Variants in CHCHD3 observed in about 807,000 individuals in gnomAD.
CHCHD3 encodes MICOS complex subunit MIC19.
A neutral mutation model predicts 38.2 loss-of-function variants in CHCHD3; 20 were observed. The ratio of observed to expected loss-of-function variants is 0.52; its 90% CI spans 0.37 to 0.76. The LOEUF (loss-of-function observed/expected upper bound fraction) is 0.76, where lower values mean the gene tolerates loss of function less well. Among genes scored for constraint, CHCHD3 ranks in the 30% least tolerant of loss-of-function variants. The pLI is 0.00. For missense variants in CHCHD3, 245 were observed against 279.2 expected (o/e 0.88, Z 0.87); for synonymous variants, 82 against 100.0 (o/e 0.82, Z 1.07).
intron 4 of CHCHD3, among the ~76,000 whole-genome samples, chr7:132,887,633 A>T (rs1026491927): frequency 7.2e-5 from 5 of 69,818 alleles, no homozygotes; most frequent in African/African-American, 2.8e-4. Flanking sequence ...AAAAACAACA[A>T]AAGAAATATA....
chr7:132,867,177 C>T (rs1282274928), intron 5 of CHCHD3, among the ~76,000 whole-genome samples: 1 of 152,082 alleles, frequency 6.6e-6, no homozygotes, highest in Non-Finnish European at 1.5e-5. Context: ...CTGCTATATC[C>T]CCAGAACCTA....
chr7:133,066,397 G>A (rs1464151484), intron 2 of CHCHD3, among the ~76,000 whole-genome samples: 1 of 152,110 alleles, frequency 6.6e-6, no homozygotes, highest in Non-Finnish European at 1.5e-5. Flanking sequence ...TGGGATTACA[G>A]GCATGTGCCA....
intron 2 of CHCHD3, among the ~76,000 whole-genome samples, chr7:133,026,300 A>G (rs1167229905): frequency 6.6e-6 from 1 of 152,162 alleles, no homozygotes; most frequent in Non-Finnish European, 1.5e-5. Context: ...AGCATTAGTC[A>G]TTAGGAAAAT....
chr7:132,907,201 T>G (rs1809822365), intron 4 of CHCHD3, among the ~76,000 whole-genome samples: 1 of 152,204 alleles, frequency 6.6e-6, no homozygotes, highest in African/African-American at 2.4e-5. Flanking sequence ...AATAAATAAC[T>G]TGTCTATTGC....
intron 3 of CHCHD3, among the ~76,000 whole-genome samples, chr7:132,980,641 T>C (rs12673741): frequency 0.067 from 10,269 of 152,202 alleles, 824 homozygotes; most frequent in East Asian, 0.21. Flanking sequence ...GCAACTTAGC[T>C]CTTTCCTCAG....
intron 2 of CHCHD3, among the ~76,000 whole-genome samples, chr7:133,040,381 C>G (rs1457070065): frequency 6.6e-6 from 1 of 152,098 alleles, no homozygotes; most frequent in African/African-American, 2.4e-5. Flanking sequence ...CTTTCTCTTC[C>G]CGCATGCAGT....
intron 4 of CHCHD3, among the ~76,000 whole-genome samples, chr7:132,961,565 A>C (rs1392223031): frequency 6.6e-6 from 1 of 152,220 alleles, no homozygotes; most frequent in Non-Finnish European, 1.5e-5. Context: ...AAGTTAATTA[A>C]CACATCTATC....
chr7:132,810,062 A>G (rs1275471501), intron 6 of CHCHD3, among the ~76,000 whole-genome samples: 4 of 152,190 alleles, frequency 2.6e-5, no homozygotes, highest in African/African-American at 9.6e-5. Context: ...GGTAACTGGT[A>G]AGGAAAAGAA....
intron 2 of CHCHD3, among the ~76,000 whole-genome samples, chr7:133,027,578 A>G (rs1813382454): frequency 6.6e-6 from 1 of 152,166 alleles, no homozygotes; most frequent in African/African-American, 2.4e-5. Context: ...TGGGAAAGGT[A>G]TTAACCTCTC....
chr7:132,974,161 T>A, intron 4 of CHCHD3: 1 of 498,480 alleles, frequency 2.0e-6, no homozygotes, highest in Non-Finnish European at 3.1e-6. Flanking sequence ...TAACACCATC[T>A]ATAGCATTAT....
chr7:133,035,447 T>C lies in CHCHD3; in HGVS notation c.170-10820A>G, dbSNP rs757675854. On this transcript the variant is annotated intron_variant, in intron 2 of 7. Transcript: ENST00000262570. This position sits in a 1 kb window ranked among gnomAD's most constrained non-coding sequence, Gnocchi z 4.7. ...TGCAGACAACTGTGATGTCAGCCAATGTCACTCGTTCGCCCACCAGAAAAG... is the reference window on the plus strand; with the variant it reads ...TGCAGACAACTGTGATGTCAGCCAACGTCACTCGTTCGCCCACCAGAAAAG... 30 of 1,613,392 alleles carry C rather than the reference T, an allele frequency of 1.9e-5. No individual in the cohort carries two copies. Among genetic ancestry groups the C allele is most frequent in the Non-Finnish European group, 2.5e-5 (30 of 1,179,504 alleles).
chr7:132,817,699 A>G (rs1356229549), intron 6 of CHCHD3, among the ~76,000 whole-genome samples: 1 of 152,098 alleles, frequency 6.6e-6, no homozygotes, highest in African/African-American at 2.4e-5. Flanking sequence ...GTTCTCTCTT[A>G]AAGAACCAGC....
chr7:132,973,670 G>C, intron 4 of CHCHD3: 1 of 1,025,090 alleles, frequency 9.8e-7, no homozygotes, highest in Admixed American at 5.2e-5. Context: ...ATTTGTCACT[G>C]AAGAAACTGA....
intron 2 of CHCHD3, among the ~76,000 whole-genome samples, chr7:133,043,028 A>G (rs1365310649): frequency 6.6e-6 from 1 of 151,856 alleles, no homozygotes; most frequent in Non-Finnish European, 1.5e-5. Flanking sequence ...CACCACACCC[A>G]GCTAATTTTT....
chr7:132,882,461 CTATATATATA>C (rs71178065), intron 5 of CHCHD3, among the ~76,000 whole-genome samples: 25,262 of 133,956 alleles, frequency 0.19, 2,644 homozygotes, highest in East Asian at 0.28. Flanking sequence ...ACAATATATT[CTATATATATA>C]TATATATATA....
intron 5 of CHCHD3, among the ~76,000 whole-genome samples, chr7:132,866,247 T>C (rs576385237): frequency 6.6e-6 from 1 of 152,304 alleles, no homozygotes; most frequent in Admixed American, 6.5e-5. Context: ...AAGTCTGTGT[T>C]GTGTGGCTTA....
chr7:132,795,024 A>G (rs1806571421), intron 7 of CHCHD3, among the ~76,000 whole-genome samples: 1 of 152,248 alleles, frequency 6.6e-6, no homozygotes, highest in South Asian at 2.1e-4. Flanking sequence ...TAGATAATTC[A>G]ACACAACCCA....
intron 4 of CHCHD3, chr7:132,973,935 CGAGGAGTAACATCTG>C (rs1811686470): frequency 7.8e-6 from 10 of 1,277,216 alleles, no homozygotes; most frequent in Non-Finnish European, 1.0e-5. Flanking sequence ...CTAAAGGTTC[CGAGGAGTAACATCTG>C]GGTTTCTAGG....
At chr7:133,000,297 A>G (rs539976137) in intron 3 of CHCHD3, among the ~76,000 whole-genome samples, 1 of 152,308 alleles carries the variant, frequency 6.6e-6, no homozygotes, top group Admixed American at 6.5e-5. Context: ...TAACAGTGGT[A>G]TCTCTGCAAA....
Sources: allele counts gnomAD v4.1 joint callset (sites outside exome capture counted in the v4.1 genomes callset), GRCh38; gene constraint gnomAD v4.1.1; non-coding constraint Gnocchi (gnomAD v3.1); transcripts MANE v1.5; gene names NCBI Gene and HGNC (gene_info 2026-07-23, HGNC 2026-07-21).